The following WDPCP variants were observed in gnomAD, a reference collection of about 807,000 sequenced individuals.
WDPCP encodes the protein WD repeat containing planar cell polarity effector.
WDPCP carries 71 observed loss-of-function variants against 93.1 expected under a neutral mutation model. That is an observed-to-expected ratio of 0.76 (90% CI 0.63 to 0.93). The LOEUF (loss-of-function observed/expected upper bound fraction) is 0.93. WDPCP is among the 40% of genes least tolerant of loss of function. The probability of loss-of-function intolerance (pLI) is 0.00; values close to 1 mark genes in which losing one functional copy is unlikely to be tolerated. For missense variants in WDPCP, 844 were observed against 887.4 expected (o/e 0.95, Z 0.62); for synonymous variants, 315 against 315.0 (o/e 1.00, Z 0.00).
chr2:63,809,389 C>G (rs1472975495), intron 2 of WDPCP, among the ~76,000 whole-genome samples: 45 of 152,208 alleles, frequency 3.0e-4, no homozygotes, highest in Non-Finnish European at 2.9e-5. Flanking sequence ...CTCTGCCCAG[C>G]CACCACCCCG....
At chr2:63,705,787 G>A (rs1261299008) in intron 2 of WDPCP, among the ~76,000 whole-genome samples, 1 of 148,706 alleles carries the variant, frequency 6.7e-6, no homozygotes, top group Admixed American at 6.7e-5. Context: ...ATCTGGGGTG[G>A]AGAGTTCTGT....
chr2:63,351,810 G>C (rs1354566981), intron 12 of WDPCP, among the ~76,000 whole-genome samples: 1 of 152,110 alleles, frequency 6.6e-6, no homozygotes, highest in Non-Finnish European at 1.5e-5. Context: ...CTGGATTAAA[G>C]GGTGACTCTA....
intron 2 of WDPCP, among the ~76,000 whole-genome samples, chr2:63,776,625 C>T (rs562107204): frequency 1.5e-5 from 2 of 135,108 alleles, no homozygotes; most frequent in Admixed American, 1.7e-4. Flanking sequence ...CATTACATTC[C>T]AGCCTGAGCA....
intron 2 of WDPCP, among the ~76,000 whole-genome samples, chr2:63,775,825 T>C (rs543368886): frequency 2.0e-5 from 3 of 152,336 alleles, no homozygotes; most frequent in Non-Finnish European, 4.4e-5. Flanking sequence ...TGAAGTTTTA[T>C]ACATACCCAG....
intron 13 of WDPCP, among the ~76,000 whole-genome samples, chr2:63,289,674 A>T (rs935833429): frequency 6.6e-6 from 1 of 152,040 alleles, no homozygotes; most frequent in Admixed American, 6.5e-5. Flanking sequence ...AAAATGTCAG[A>T]TCAAGTTGGT....
chr2:63,284,881 T>C (rs1265416168), intron 13 of WDPCP, among the ~76,000 whole-genome samples: 2 of 152,228 alleles, frequency 1.3e-5, no homozygotes, highest in Non-Finnish European at 2.9e-5. Context: ...AGGGGACTAT[T>C]GTATTTTAAG....
At position 63,728,333 on chromosome 2, in the gene WDPCP, C is replaced by A. The variant is rs137980710; in HGVS notation, n.309-77495G>T. ...CTCCTATTCAAAGGAGCTTACTTGGCCAAACACCAGGACCTGGACGAGGGT... is the reference window on the plus strand; with the variant it reads ...CTCCTATTCAAAGGAGCTTACTTGGACAAACACCAGGACCTGGACGAGGGT... On this transcript the variant is annotated intron_variant and non_coding_transcript_variant, in intron 2 of 4. Transcript: ENST00000467687. Among the ~76,000 whole-genome samples, 78 of 152,214 alleles carry A rather than the reference C, an allele frequency of 5.1e-4. 1 individual carries two copies. Among genetic ancestry groups the A allele is most frequent in the African/African-American group, 1.8e-3 (76 of 41,528 alleles).
intron 10 of WDPCP, among the ~76,000 whole-genome samples, chr2:63,395,331 C>G (rs1693625422): frequency 6.6e-6 from 1 of 152,080 alleles, no homozygotes; most frequent in Non-Finnish European, 1.5e-5. Flanking sequence ...ACCTATCACC[C>G]AAACAGTGAA....
intron 15 of WDPCP, among the ~76,000 whole-genome samples, chr2:63,173,016 C>CT (rs752309495): frequency 1.1e-4 from 17 of 152,090 alleles, no homozygotes; most frequent in Admixed American, 1.3e-4. Context: ...AATCCTAGCA[C>CT]TTTGGGAGGC....
intron 6 of WDPCP, among the ~76,000 whole-genome samples, chr2:63,464,507 G>A (rs575364060): frequency 3.9e-5 from 6 of 152,122 alleles, no homozygotes; most frequent in South Asian, 4.2e-4. Flanking sequence ...TAGAACTAGC[G>A]TATGATCTAG....
rs535839295 is a variant in WDPCP at position 63,804,764 on chromosome 2, T to C, written n.308+8858A>G. Among the ~76,000 whole-genome samples, 3 of 151,694 alleles carry C rather than the reference T, an allele frequency of 2.0e-5. No individual in the cohort carries two copies. The East Asian group carries it at 5.9e-4, about 30-fold the overall frequency. On this transcript the variant is annotated intron_variant and non_coding_transcript_variant, in intron 2 of 4. Transcript: ENST00000467687. ...TCCATGTTGGGCCGGGCACGGTGGC[T>C]CACGCCTCTAATACCAGCACTTTGG...
chr2:63,607,183 T>C (rs1423620907), intron 3 of WDPCP: 5 of 357,530 alleles, frequency 1.4e-5, no homozygotes, highest in Admixed American at 9.3e-5. Context: ...TAAATAAATA[T>C]ATATTCAAAT....
chr2:63,422,906 C>T (rs1385259556), intron 9 of WDPCP, among the ~76,000 whole-genome samples: 1 of 152,166 alleles, frequency 6.6e-6, no homozygotes, highest in Non-Finnish European at 1.5e-5. Context: ...GGGACTTCTA[C>T]ATTAAAAGAG....
chr2:63,233,177 C>A (rs895320479), intron 14 of WDPCP: 1 of 154,168 alleles, frequency 6.5e-6, no homozygotes. Context: ...TAAATTGCAG[C>A]TTCATTTGCA....
intron 1 of WDPCP, among the ~76,000 whole-genome samples, chr2:63,575,364 T>C (rs1233136406): frequency 1.5e-5 from 2 of 132,826 alleles, no homozygotes; most frequent in Admixed American, 7.4e-5. Context: ...ATATACAGTA[T>C]ATACAGTATA....
Position 63,425,323 on chromosome 2 carries a change from G to A in WDPCP, c.825+8422C>T, listed in dbSNP as rs149944371. ...ACTTTGGTGATTCAAAAGTCAGAGT[G>A]TCCCCCTACCTCCAAACAAGTACAC... On this transcript the variant is annotated intron_variant, in intron 9 of 17. Coordinates refer to ENST00000272321, the MANE Select transcript of WDPCP (RefSeq NM_015910.7). Among the ~76,000 whole-genome samples, 418 of 152,328 alleles carry A rather than the reference G, an allele frequency of 2.7e-3. 3 individuals are homozygous for A. The highest frequency in any genetic ancestry group is 9.4e-3 in the African/African-American group (392 of 41,582).
intron 3 of WDPCP, among the ~76,000 whole-genome samples, chr2:63,642,271 T>C (rs988621560): frequency 6.6e-6 from 1 of 152,154 alleles, no homozygotes; most frequent in African/African-American, 2.4e-5. Context: ...TTGTTATTTT[T>C]GCTTGGGATA....
At chr2:63,288,094 C>T (rs1305831004) in intron 13 of WDPCP, among the ~76,000 whole-genome samples, 1 of 152,150 alleles carries the variant, frequency 6.6e-6, no homozygotes, top group Non-Finnish European at 1.5e-5. Context: ...CCAACAGTAT[C>T]ATGCCAAGGG....
intron 12 of WDPCP, among the ~76,000 whole-genome samples, chr2:63,331,739 T>C (rs1168097964): frequency 2.6e-5 from 4 of 152,316 alleles, no homozygotes; most frequent in Non-Finnish European, 5.9e-5. Flanking sequence ...ACTATACTTT[T>C]GCTTTTTTTC....
Sources: gnomAD v4.1 joint callset for allele counts (sites outside exome capture counted in the v4.1 genomes callset) on GRCh38, gnomAD v4.1.1 for gene constraint, MANE v1.5 for transcripts, NCBI Gene and HGNC (gene_info 2026-07-23, HGNC 2026-07-21) for gene names.